DIPK1A: variants seen among roughly 807,000 people sequenced by gnomAD.
The protein encoded by DIPK1A is divergent protein kinase domain 1A.
In DIPK1A, 27 loss-of-function variants were observed where a neutral mutation model predicts 40.8. The ratio of observed to expected loss-of-function variants is 0.66; its 90% confidence interval spans 0.49 to 0.91. The LOEUF (loss-of-function observed/expected upper bound fraction) is 0.91. Ranked by LOEUF, DIPK1A falls within the 40% of genes least tolerant of loss-of-function variation. The pLI, the probability that DIPK1A is intolerant of heterozygous loss-of-function variation, is 0.00. For missense variants in DIPK1A, 412 were observed against 505.7 expected, an observed-to-expected ratio of 0.81 and a Z score of 1.78; for synonymous variants, 166 against 171.3, an observed-to-expected ratio of 0.97 and a Z score of 0.24.
chr1:92,845,016 C>T (rs1185629388), intron 4 of DIPK1A, among the ~76,000 whole-genome samples: 12 of 145,438 alleles, frequency 8.3e-5, no homozygotes, highest in Non-Finnish European at 1.8e-4. Context: ...GCGATCTCAG[C>T]TCACTGCAAG....
intron 1 of DIPK1A, among the ~76,000 whole-genome samples, chr1:92,924,677 G>A (rs946480908): frequency 6.6e-6 from 1 of 152,178 alleles, no homozygotes; most frequent in South Asian, 2.1e-4. Flanking sequence ...TGCATTCTTC[G>A]AACAACAGGC....
At chr1:92,841,323 TC>T (rs201336423), downstream of DIPK1A, among the ~76,000 whole-genome samples, 1,358 of 152,330 alleles carry the variant, frequency 8.9e-3, 10 homozygotes, top group Middle Eastern at 0.017. Flanking sequence ...ATTCTCCACT[TC>T]ATTCATGTTG....
chr1:92,841,874 A>G, downstream of DIPK1A: 1 of 1,597,878 alleles, frequency 6.3e-7, no homozygotes. Context: ...AAACCCAGCA[A>G]TTTTCTATGA....
intron 4 of DIPK1A, chr1:92,837,064 C>A: frequency 6.2e-6 from 2 of 321,072 alleles, no homozygotes; most frequent in Non-Finnish European, 6.0e-6. Flanking sequence ...GCAAGTACAC[C>A]AAGAGCATTC....
At chr1:92,921,721 TC>T (rs985362782) in intron 1 of DIPK1A, among the ~76,000 whole-genome samples, 16 of 152,294 alleles carry the variant, frequency 1.1e-4, no homozygotes, top group African/African-American at 3.8e-4. Flanking sequence ...TGATCCTGCC[TC>T]TATTTTCAAG....
At chr1:92,948,099 T>G (rs980450279) in intron 1 of DIPK1A, among the ~76,000 whole-genome samples, 2 of 152,230 alleles carry the variant, frequency 1.3e-5, no homozygotes, top group African/African-American at 4.8e-5. Flanking sequence ...GGGATAGACG[T>G]GCTAATTATC....
chr1:92,923,956 C>A (rs1650376302), intron 1 of DIPK1A, among the ~76,000 whole-genome samples: 1 of 152,192 alleles, frequency 6.6e-6, no homozygotes, highest in South Asian at 2.1e-4. Context: ...GTTATTAGTC[C>A]ATGGAAAGTC....
chr1:92,954,477 A>G (rs1651766127), intron 1 of DIPK1A, among the ~76,000 whole-genome samples: 1 of 149,020 alleles, frequency 6.7e-6, no homozygotes, highest in South Asian at 2.1e-4. Flanking sequence ...TCCCGGGTTC[A>G]AGCTCTCCCA....
intron 1 of DIPK1A, 97 bp from the exon 2 acceptor site, chr1:92,876,527 A>G: frequency 7.7e-7 from 1 of 1,293,836 alleles, no homozygotes; most frequent in Non-Finnish European, 1.1e-6. Flanking sequence ...GAACAACTCA[A>G]TATATATTCC....
intron 2 of DIPK1A, among the ~76,000 whole-genome samples, chr1:92,865,294 T>C (rs1450700187): frequency 6.6e-6 from 1 of 151,862 alleles, no homozygotes; most frequent in Non-Finnish European, 1.5e-5. Context: ...TCCCAGGAAT[T>C]CAAGGCTGCA....
chr1:92,905,897 T>C (rs1557479170), intron 1 of DIPK1A, among the ~76,000 whole-genome samples: 1 of 152,208 alleles, frequency 6.6e-6, no homozygotes, highest in East Asian at 1.9e-4. Flanking sequence ...CCCCAATGTA[T>C]ATTCTTGGCA....
At chr1:92,846,845 G>A (rs1312318436) in intron 4 of DIPK1A, among the ~76,000 whole-genome samples, 41 of 312 alleles carry the variant, frequency 0.13, 6 homozygotes, top group African/African-American at 0.27. Flanking sequence ...ATATATATGT[G>A]TGTATATATA....
chr1:92,943,660 G>A (rs1651255762), intron 1 of DIPK1A, among the ~76,000 whole-genome samples: 1 of 152,194 alleles, frequency 6.6e-6, no homozygotes, highest in African/African-American at 2.4e-5. Flanking sequence ...GTACTCCGCT[G>A]GCACGAGGGA....
chr1:92,867,266 G>A (rs993026996), intron 2 of DIPK1A, among the ~76,000 whole-genome samples: 4 of 149,196 alleles, frequency 2.7e-5, no homozygotes, highest in African/African-American at 1.0e-4. Flanking sequence ...GTGTTGGCCA[G>A]GATGGTCTTG....
chr1:92,899,449 AG>A (rs1649318769), intron 1 of DIPK1A, among the ~76,000 whole-genome samples: 5 of 152,156 alleles, frequency 3.3e-5, no homozygotes. Flanking sequence ...TTACAATTGA[AG>A]TGAGTTTCTT....
intron 1 of DIPK1A, among the ~76,000 whole-genome samples, chr1:92,878,501 A>G (rs1416799650): frequency 1.3e-5 from 2 of 152,140 alleles, no homozygotes; most frequent in Non-Finnish European, 2.9e-5. Flanking sequence ...CCTGGCCAAC[A>G]TGGTAAAACC....
At position 92,892,001 on chromosome 1, in the gene DIPK1A, G is replaced by A. The variant is rs560508752; in HGVS notation, c.55-15571C>T. 5.8e-3 allele frequency among the ~76,000 whole-genome samples: 886 copies of A among 152,142 alleles called. 12 individuals carry two copies. Among genetic ancestry groups the A allele is most frequent in the African/African-American group, 0.021 (850 of 41,436 alleles). On this transcript the variant is annotated intron_variant, in intron 1 of 4. Transcript: ENST00000370310. Reference sequence around the variant, plus strand: ...GCCGAGGCTTGAGTAGGTAAACAACGCGGCCAGGAAGCTCCAACTGGGTGG... The same window carrying A: ...GCCGAGGCTTGAGTAGGTAAACAACACGGCCAGGAAGCTCCAACTGGGTGG...
intron 1 of DIPK1A, among the ~76,000 whole-genome samples, chr1:92,906,038 A>C (rs1427700393): frequency 6.6e-6 from 1 of 152,086 alleles, no homozygotes; most frequent in Non-Finnish European, 1.5e-5. Context: ...CTGTAGTATA[A>C]TTCTAAGTCA....
intron 1 of DIPK1A, among the ~76,000 whole-genome samples, chr1:92,922,666 G>A (rs931731686): frequency 6.6e-6 from 1 of 152,120 alleles, no homozygotes; most frequent in Non-Finnish European, 1.5e-5. Context: ...CTATTCTTAA[G>A]TTCATTTTGA....
Sources: allele counts gnomAD v4.1 joint callset (sites outside exome capture counted in the v4.1 genomes callset), GRCh38; gene constraint gnomAD v4.1.1; transcripts MANE v1.5; gene names NCBI Gene and HGNC (gene_info 2026-07-23, HGNC 2026-07-21).